ZNF106: variants seen among roughly 807,000 people sequenced by gnomAD.
ZNF106 encodes SH3-domain binding protein 3.
A neutral mutation model predicts 195.1 loss-of-function variants in ZNF106; 67 were observed. That is an observed-to-expected ratio of 0.34 (90% confidence interval 0.28 to 0.42). The LOEUF (loss-of-function observed/expected upper bound fraction) is 0.42. Among genes scored for constraint, ZNF106 ranks in the 10% least tolerant of loss-of-function variants. The probability of loss-of-function intolerance (pLI) is 1.00; values close to 1 mark genes in which losing one functional copy is unlikely to be tolerated. For missense variants in ZNF106, 2,118 were observed against 2,304.5 expected (o/e 0.92, Z 1.66); for synonymous variants, 784 against 818.6 (o/e 0.96, Z 0.72).
At chr15:42,479,573 G>A (rs903041547) in intron 1 of ZNF106, among the ~76,000 whole-genome samples, 1 of 151,958 alleles carries the variant, frequency 6.6e-6, no homozygotes, top group Non-Finnish European at 1.5e-5. Flanking sequence ...CAGGCACAAT[G>A]GCTCAGGCCT....
At chr15:42,433,384 C>T (rs1281714892) in intron 14 of ZNF106, among the ~76,000 whole-genome samples, 1 of 152,092 alleles carries the variant, frequency 6.6e-6, no homozygotes, top group African/African-American at 2.4e-5. Flanking sequence ...GGATTACAGG[C>T]GTGAGCCACC....
chr15:42,485,965 T>C (rs895089723), intron 1 of ZNF106, among the ~76,000 whole-genome samples: 3 of 150,940 alleles, frequency 2.0e-5, no homozygotes, highest in Admixed American at 6.6e-5. Context: ...TCTTTCTTTT[T>C]TTTTTTTTTT....
At chr15:42,433,994 G>T (rs1489909365) in intron 14 of ZNF106, among the ~76,000 whole-genome samples, 2 of 152,060 alleles carry the variant, frequency 1.3e-5, no homozygotes, top group Admixed American at 1.3e-4. Context: ...GACTATAGGT[G>T]TGCATCACCA....
chr15:42,424,224 AC>A (rs2054770950), intron 16 of ZNF106, 164 bp from the exon 17 acceptor site: 1 of 588,938 alleles, frequency 1.7e-6, no homozygotes, highest in Non-Finnish European at 3.0e-6. Flanking sequence ...TGAAACTTAC[AC>A]CCCCCTACCA....
intron 11 of ZNF106, 124 bp downstream of exon 11, chr15:42,438,909 C>A: frequency 8.8e-7 from 1 of 1,142,364 alleles, no homozygotes; most frequent in Non-Finnish European, 1.2e-6. Context: ...TCCATATCCA[C>A]AATCTCTACT....
intron 20 of ZNF106, among the ~76,000 whole-genome samples, chr15:42,419,076 A>G (rs1276510468): frequency 6.6e-6 from 1 of 151,180 alleles, no homozygotes; most frequent in African/African-American, 2.4e-5. Flanking sequence ...AAAAAAAAAA[A>G]AAAAAATACA....
chr15:42,468,066 G>A (rs111939777), intron 2 of ZNF106, among the ~76,000 whole-genome samples: 5,002 of 128,232 alleles, frequency 0.039, 254 homozygotes, highest in African/African-American at 0.13. Flanking sequence ...GATTCAAAAC[G>A]CCTTTTTTTT....
intron 10 of ZNF106, among the ~76,000 whole-genome samples, chr15:42,441,206 G>C (rs2055524389): frequency 6.7e-6 from 1 of 149,224 alleles, no homozygotes; most frequent in Non-Finnish European, 1.5e-5. Flanking sequence ...AGCCGGGCAT[G>C]GTGGCAGGCA....
In ZNF106 at chr15:42,437,286, C is replaced by T; in HGVS notation, c.4692G>A (p.Gly1564=). The T allele has an allele frequency of 6.2e-7, 1 of 1,614,136 alleles. No individual in the cohort carries two copies. The part of the protein sequence containing the change: ...QAAVNAIQIF[G]NLLYTCSADK... ...CTGCTGAACAGGTATATAGCAAGTT[C>T]CCAAATATCTGAATTGCATTTACGG... The change falls in exon 13 of 22, where the codon GGG becomes GGA. Residue 1564 remains glycine (G), a synonymous_variant. Transcript: ENST00000564754.
chr15:42,439,851 G>C, intron 10 of ZNF106, 38 bp from the exon 11 acceptor site: 1 of 1,487,292 alleles, frequency 6.7e-7, no homozygotes, highest in South Asian at 1.4e-5. Context: ...ATCCTTTTTT[G>C]TGTTTGCTGC....
chr15:42,447,069 T>C (rs1567013766), intron 6 of ZNF106, among the ~76,000 whole-genome samples: 1 of 152,236 alleles, frequency 6.6e-6, no homozygotes, highest in Non-Finnish European at 1.5e-5. Flanking sequence ...TGAGACAAGC[T>C]CTTTGTCATA....
intron 2 of ZNF106, among the ~76,000 whole-genome samples, chr15:42,471,828 G>A (rs1303412362): frequency 6.6e-6 from 1 of 152,148 alleles, no homozygotes; most frequent in African/African-American, 2.4e-5. Context: ...CACAAGCATA[G>A]GCATAAACAG....
Position 42,437,208 on chromosome 15 carries a change from ATTCTACATG to A in ZNF106, c.4746+15_4746+23del, listed in dbSNP as rs553415058. The A allele has an allele frequency of 7.0e-5, 112 of 1,590,834 alleles. No homozygotes were observed. The Admixed American group carries it at 1.9e-3, about 28-fold the overall frequency. On this transcript the variant is annotated intron_variant, in intron 13 of 21. Transcript: ENST00000564754. ...TTTTCCAAAACCTGCAACCAAAAAC[ATTCTACATG>A]TTCTATCAACTTACCACCAGATTAT...
chr15:42,457,536 A>G, intron 3 of ZNF106: 1 of 1,078,604 alleles, frequency 9.3e-7, no homozygotes, highest in South Asian at 3.1e-5. Context: ...TGCACTCAGA[A>G]GGCCTGGTGA....
At chr15:42,443,442 G>A (rs1287057899) in intron 9 of ZNF106, among the ~76,000 whole-genome samples, 1 of 151,018 alleles carries the variant, frequency 6.6e-6, no homozygotes, top group Non-Finnish European at 1.5e-5. Flanking sequence ...GACTATCCTG[G>A]GAAACACTGG....
intron 8 of ZNF106, 127 bp from the exon 9 acceptor site, chr15:42,444,389 C>T (rs946151352): frequency 4.3e-5 from 29 of 678,148 alleles, no homozygotes; most frequent in African/African-American, 2.6e-4. Flanking sequence ...CCCAGCCAGC[C>T]GCAGGTTTTC....
At chr15:42,417,461 C>A in intron 21 of ZNF106, 101 bp from the exon 22 acceptor site, 1 of 1,421,534 alleles carries the variant, frequency 7.0e-7, no homozygotes, top group African/African-American at 1.4e-5. Flanking sequence ...CACCTAGGAT[C>A]CAGACAGGAA....
rs566754203 is a variant in ZNF106 at position 42,422,010 on chromosome 15, A to G, written c.5374-22T>C. The G allele has an allele frequency of 1.8e-5, 28 of 1,555,382 alleles. No individual in the cohort carries two copies. The African/African-American group carries it at 3.0e-4, about 17-fold the overall frequency. On this transcript the variant is annotated intron_variant, in intron 18 of 21. Transcript: ENST00000564754. Reference sequence around the variant, plus strand: ...GAGACTTAGGCAGAAAAAAAAAAAGAGAATTGAAGTTATTTATACCTTGCG... The same window carrying G: ...GAGACTTAGGCAGAAAAAAAAAAAGGGAATTGAAGTTATTTATACCTTGCG...
Position 42,444,997 on chromosome 15 carries a change from A to G in ZNF106, c.3206-16T>C, listed in dbSNP as rs745931010. 9 of 1,613,840 alleles carry G rather than the reference A, an allele frequency of 5.6e-6. No individual in the cohort carries two copies. Among genetic ancestry groups the G allele is most frequent in the South Asian group, 1.1e-5 (1 of 91,066 alleles). On this transcript the variant is annotated splice_polypyrimidine_tract_variant and intron_variant, in intron 7 of 21. Transcript: ENST00000564754. ...TGAGAACGTTCTGCCAAAAGAAATC[A>G]TAAGGTTCAGGTTAATACGAGAGAT... is the stretch of plus-strand genomic sequence containing the variant.
Sources: allele counts gnomAD v4.1 joint callset (sites outside exome capture counted in the v4.1 genomes callset), GRCh38; gene constraint gnomAD v4.1.1; transcripts MANE v1.5; gene names NCBI Gene and HGNC (gene_info 2026-07-23, HGNC 2026-07-21).